The following JAK3 variants were observed in gnomAD, a reference collection of about 807,000 sequenced individuals.
The protein encoded by JAK3 is tyrosine-protein kinase JAK3.
In JAK3, 88 loss-of-function variants were observed where a neutral mutation model predicts 120.8. The observed-to-expected ratio is 0.73, with a 90% CI of 0.61 to 0.87. The LOEUF (loss-of-function observed/expected upper bound fraction) is 0.87, where lower values mean the gene tolerates loss of function less well. JAK3 is among the 40% of genes least tolerant of loss of function. JAK3 has a pLI of 0.00. For missense variants in JAK3, 1,254 were observed against 1,501.4 expected (o/e 0.84, Z 2.72); for synonymous variants, 592 against 628.6 (o/e 0.94, Z 0.87).
chr19:17,838,207 A>C (rs934542837), intron 11 of JAK3, 56 bp downstream of exon 11: 3 of 1,613,238 alleles, frequency 1.9e-6, no homozygotes, highest in Non-Finnish European at 2.5e-6. Context: ...GAGGCCACGC[A>C]TCTGAGTCTC....
At chr19:17,836,786 G>C in intron 13 of JAK3, 8 of 460,934 alleles carry the variant, frequency 1.7e-5, no homozygotes, top group Non-Finnish European at 3.3e-5. Context: ...CACCCTGCCT[G>C]TCACATTCTA....
At position 17,840,306 on chromosome 19, in the gene JAK3, C is replaced by T. The variant is rs199896115; in HGVS notation, c.1178G>A (p.Gly393Asp). The T allele has an allele frequency of 7.4e-6, 12 of 1,613,582 alleles. No individual in the cohort carries two copies. Among genetic ancestry groups the T allele is most frequent in the Non-Finnish European group, 8.5e-6 (10 of 1,179,828 alleles). The change falls in exon 9 of 24, where the codon GGC (glycine) becomes GAC (aspartate). Residue 393 changes from glycine to aspartate, a missense_variant. Physicochemically the swap from Gly to Asp is moderately conservative, Grantham distance 94. Coordinates refer to ENST00000458235, the MANE Select transcript of JAK3 (RefSeq NM_000215.4). ...GAGAACATAGGAGCCAGGACGTGAGCCCCCAGTCTTGAGCTTGTTGATGGC... is the reference window on the plus strand; with the variant it reads ...GAGAACATAGGAGCCAGGACGTGAGTCCCCAGTCTTGAGCTTGTTGATGGC... ...DFAINKLKTG[G>D]SRPGSYVLRR...
chr19:17,829,983 G>A (rs1465914941), intron 23 of JAK3, 125 bp downstream of exon 23: 5 of 743,494 alleles, frequency 6.7e-6, no homozygotes, highest in Non-Finnish European at 1.2e-5. Context: ...TGGGGGCCAG[G>A]ATCCTCATCG....
At chr19:17,835,308 G>A (rs1042347508) in intron 14 of JAK3, 93 bp from the exon 15 acceptor site, 47 of 1,476,084 alleles carry the variant, frequency 3.2e-5, no homozygotes, top group Non-Finnish European at 4.1e-5. Flanking sequence ...AAACCCACTT[G>A]GTACTGCTCA....
At chr19:17,846,730 G>A (rs926500118) in intron 1 of JAK3, among the ~76,000 whole-genome samples, 4 of 151,370 alleles carry the variant, frequency 2.6e-5, no homozygotes, top group South Asian at 2.1e-4. Context: ...GATTACAGGC[G>A]CGCACCACAG....
intron 23 of JAK3, among the ~76,000 whole-genome samples, chr19:17,828,893 G>A (rs1298684105): frequency 1.3e-5 from 2 of 152,134 alleles, no homozygotes; most frequent in Admixed American, 6.5e-5. Flanking sequence ...GGTGGCTCAC[G>A]TCTGTAATCC....
At chr19:17,828,940 AC>A (rs1342806176) in intron 23 of JAK3, among the ~76,000 whole-genome samples, 11 of 151,946 alleles carry the variant, frequency 7.2e-5, no homozygotes, top group African/African-American at 2.7e-4. Context: ...GGATCACTTG[AC>A]CCCACGAGCT....
At chr19:17,835,836 A>G (rs2094223086) in intron 14 of JAK3, 88 bp downstream of exon 14, 15 of 1,561,294 alleles carry the variant, frequency 9.6e-6, no homozygotes, top group Non-Finnish European at 1.3e-5. Context: ...ACTCCTATGC[A>G]TACTACAGAG....
Position 17,826,788 on chromosome 19 carries a change from G to A in JAK3, c.3330C>T (p.Phe1110=). ...SGSRGCETHA[F]TAHPEGKHHS... ...GGTGTTTGCCCTCTGGGTGAGCAGT[G>A]AAGGCATGAGTCTCACACCCCCGGC... The change falls in exon 24 of 24, where the codon TTC becomes TTT. Residue 1110 remains phenylalanine, a synonymous_variant. Transcript: ENST00000458235. 6.2e-7 allele frequency: 1 copy of A among 1,614,108 alleles called. No homozygotes were observed. Among genetic ancestry groups the A allele is most frequent in the Non-Finnish European group, 8.5e-7 (1 of 1,179,994 alleles).
intron 1 of JAK3, among the ~76,000 whole-genome samples, chr19:17,845,393 T>C (rs2094249839): frequency 6.6e-6 from 1 of 151,986 alleles, no homozygotes; most frequent in African/African-American, 2.4e-5. Flanking sequence ...TGGCCTCAAG[T>C]GATCAGCCTG....
At position 17,841,584 on chromosome 19, in the gene JAK3, G is replaced by A. The variant is rs201963043; in HGVS notation, c.985-38C>T. ...AGCGTCAGAGCCCAGTGAAACCCGA[G>A]GGTGCCGGTCCCGCCCTCGGGGTAA... On this transcript the variant is annotated intron_variant, in intron 7 of 23. Coordinates refer to ENST00000458235, the MANE Select transcript of JAK3 (RefSeq NM_000215.4). This position sits in a 1 kb window ranked among gnomAD's most constrained non-coding sequence, Gnocchi z 4.1. 1.9e-6 allele frequency: 3 copies of A among 1,609,696 alleles called. No homozygotes were observed. Among genetic ancestry groups the A allele is most frequent in the Non-Finnish European group, 2.5e-6 (3 of 1,178,182 alleles).
intron 10 of JAK3, 116 bp downstream of exon 10, chr19:17,839,361 C>A: frequency 2.0e-6 from 2 of 975,702 alleles, no homozygotes; most frequent in Non-Finnish European, 3.2e-6. Flanking sequence ...CCTTTTCTTC[C>A]CTAACCCACC....
intron 13 of JAK3, among the ~76,000 whole-genome samples, chr19:17,836,563 C>A: frequency 6.6e-6 from 1 of 152,242 alleles, no homozygotes; most frequent in Admixed American, 6.5e-5. Flanking sequence ...TGAGCCACCA[C>A]GCCCAGCCTC....
chr19:17,830,493 G>A lies in JAK3; in HGVS notation c.3096+10C>T, dbSNP rs751859164. 1.2e-6 allele frequency: 2 copies of A among 1,607,166 alleles called. No individual in the cohort carries two copies. The highest frequency in any genetic ancestry group is 2.7e-5 in the African/African-American group (2 of 74,726). On this transcript the variant is annotated intron_variant, in intron 22 of 23. Transcript: ENST00000458235. ...AGAAGAAGGCTGGGGGCTCTGGGAA[G>A]CCGACTCACGGCCGAGGGGCTGCAG...
Position 17,838,382 on chromosome 19 carries a change from T to C in JAK3, c.1450A>G (p.Asn484Asp). The change falls in exon 11 of 24, where the codon AAC becomes GAC. Residue 484 changes from asparagine to aspartate, a missense_variant. This residue lies in a region of JAK3 where 486 missense variants were observed against 503.0 expected (regional missense o/e 0.97). Coordinates refer to ENST00000458235, the MANE Select transcript of JAK3 (RefSeq NM_000215.4). ...CCIPRPKEKS[N>D]LIVVQRGHSP... ...TGACCTCTCTGGACCACGATCAGGT[T>C]GGACTTTTCTATGGGGAGAGGATGA... 1 of 1,614,180 alleles carries C rather than the reference T, an allele frequency of 6.2e-7. No homozygotes were observed. Among genetic ancestry groups the C allele is most frequent in the South Asian group, 1.1e-5 (1 of 91,082 alleles).
At position 17,831,961 on chromosome 19, in the gene JAK3, C is replaced by T. The variant is rs2094215390; in HGVS notation, c.2681-163G>A. ...ATTGCTAATATCTCTTGAGTACTTT[C>T]TACAACATACATTGATGTGTTTATA... On this transcript the variant is annotated intron_variant, in intron 19 of 23. Transcript: ENST00000458235. This position sits in a 1 kb window ranked among gnomAD's most constrained non-coding sequence, Gnocchi z 5.1. 6.6e-6 allele frequency among the ~76,000 whole-genome samples: 1 copy of T among 152,220 alleles called. No individual in the cohort carries two copies. Among genetic ancestry groups the T allele is most frequent in the Non-Finnish European group, 1.5e-5 (1 of 68,032 alleles).
At position 17,843,818 on chromosome 19, in the gene JAK3, G is replaced by T. The variant is rs754716735; in HGVS notation, c.267C>A (p.Ser89=). 3.1e-6 allele frequency: 5 copies of T among 1,613,662 alleles called. No homozygotes were observed. The Admixed American group carries it at 8.3e-5, about 27-fold the overall frequency. ...GGACTTGGGTGCTGGCATCCTCCAC[G>T]GAGAAGATGTGGCTCGGGGGGAACC... ...SCWFPPSHIF[S]VEDASTQVLL... The change falls in exon 3 of 24, where the codon TCC becomes TCA. Residue 89 remains serine (S), a synonymous_variant. Transcript: ENST00000458235. This position sits in a 1 kb window ranked among gnomAD's most constrained non-coding sequence, Gnocchi z 5.4.
chr19:17,833,381 T>C (rs1476724770), intron 17 of JAK3, among the ~76,000 whole-genome samples: 1 of 151,692 alleles, frequency 6.6e-6, no homozygotes, highest in Admixed American at 6.6e-5. Flanking sequence ...AAGTGAGAGG[T>C]TCCTGTGGGC....
At chr19:17,834,021 T>G (rs1380108898) in intron 17 of JAK3, among the ~76,000 whole-genome samples, 2 of 152,088 alleles carry the variant, frequency 1.3e-5, no homozygotes, top group African/African-American at 4.8e-5. Flanking sequence ...ACTATAGGCA[T>G]GAGCCACTGC....
Sources: gnomAD v4.1 joint callset for allele counts (sites outside exome capture counted in the v4.1 genomes callset) on GRCh38, gnomAD v4.1.1 for gene constraint, gnomAD v4.1.1 regional missense constraint, Gnocchi (gnomAD v3.1) non-coding constraint, MANE v1.5 for transcripts, NCBI Gene and HGNC (gene_info 2026-07-23, HGNC 2026-07-21) for gene names.